Variants in ACACB observed in about 807,000 individuals in gnomAD.
ACACB encodes acetyl-CoA carboxylase beta, also known as acetyl-CoA carboxylase 2.
ACACB carries 209 observed loss-of-function variants against 278.8 expected under a neutral mutation model. The observed-to-expected ratio is 0.75, with a 90% CI of 0.67 to 0.84. The LOEUF is 0.84. Among genes scored for constraint, ACACB ranks in the 40% least tolerant of loss-of-function variants. The pLI, the probability that ACACB is intolerant of heterozygous loss-of-function variation, is 0.00. For missense variants in ACACB, 2,850 were observed against 3,269.0 expected (o/e 0.87, Z 3.13); for synonymous variants, 1,174 against 1,285.6 (o/e 0.91, Z 1.86).
chr12:109,209,398 C>G, intron 21 of ACACB, 45 bp downstream of exon 21: 3 of 1,559,788 alleles, frequency 1.9e-6, no homozygotes, highest in Non-Finnish European at 2.6e-6. Context: ...GATGGTCACA[C>G]TGGGCCGGCT....
At chr12:109,222,160 TG>T (rs1242081085) in intron 24 of ACACB, among the ~76,000 whole-genome samples, 2 of 152,040 alleles carry the variant, frequency 1.3e-5, no homozygotes, top group Non-Finnish European at 2.9e-5. Flanking sequence ...CCCAAAGTGC[TG>T]GGATTATAGG....
chr12:109,123,684 C>A (rs1479625595), intron 1 of ACACB, among the ~76,000 whole-genome samples: 5 of 147,468 alleles, frequency 3.4e-5, no homozygotes, highest in Non-Finnish European at 7.5e-5. Context: ...CAGAGTGAGA[C>A]CCTGTCTCAA....
intron 44 of ACACB, 88 bp from the exon 45 acceptor site, chr12:109,256,052 C>T: frequency 1.0e-6 from 1 of 999,376 alleles, no homozygotes; most frequent in Non-Finnish European, 1.6e-6. Flanking sequence ...CCAGGCTGTC[C>T]TTAGGGAGCT....
intron 43 of ACACB, 91 bp downstream of exon 43, chr12:109,253,249 GAGGCTGAGGAGC>G: frequency 7.4e-7 from 1 of 1,353,660 alleles, no homozygotes; most frequent in Non-Finnish European, 9.9e-7. Context: ...GGTGGTGTGG[GAGGCTGAGGAGC>G]AGGAAGCACT....
At chr12:109,148,992 T>A (rs2043307468) in intron 2 of ACACB, among the ~76,000 whole-genome samples, 1 of 152,210 alleles carries the variant, frequency 6.6e-6, no homozygotes, top group Admixed American at 6.5e-5. Flanking sequence ...AGTATAAAAA[T>A]ATTGGGAGAA....
rs369606146 is a variant in ACACB, at chr12:109,139,729, C to T, written c.324C>T (p.Asp108=). The T allele has an allele frequency of 2.1e-5, 34 of 1,614,138 alleles. No individual in the cohort carries two copies. The highest frequency in any genetic ancestry group is 1.7e-4 in the Middle Eastern group (1 of 6,060). ...CAAGAAACCCCCTTTCTTCCAGTGA[C>T]GCAGCACCCTCCCCAGAGCTTCAAG... The part of the protein sequence containing the change: ...KPPRNPLSSS[D]AAPSPELQAN... The change falls in exon 2 of 53, where the codon GAC becomes GAT. Residue 108 remains aspartate (D), a synonymous_variant. Coordinates refer to ENST00000338432, the MANE Select transcript of ACACB (RefSeq NM_001093.4).
Position 109,172,358 on chromosome 12 carries a change from T to G in ACACB, c.1117+2T>G. On this transcript the variant is annotated splice_donor_variant, in intron 6 of 52. Transcript: ENST00000338432. LOFTEE classifies it high-confidence loss of function. ...GCAAGAATGGAGTTGCTTTCTTAGG[T>G]AGAGTGTGTCCCCATCAGATACATG... is the stretch of plus-strand genomic sequence containing the variant. The G allele has an allele frequency of 6.2e-7, 1 of 1,614,028 alleles. No individual in the cohort carries two copies. Among genetic ancestry groups the G allele is most frequent in the Non-Finnish European group, 8.5e-7 (1 of 1,179,912 alleles).
At chr12:109,119,554 C>T (rs1299399522) in intron 1 of ACACB, among the ~76,000 whole-genome samples, 1 of 149,664 alleles carries the variant, frequency 6.7e-6, no homozygotes, top group Non-Finnish European at 1.5e-5. Flanking sequence ...GGTGCCACCG[C>T]ACTCCAGCCT....
chr12:109,132,024 G>A (rs531033061), intron 1 of ACACB, among the ~76,000 whole-genome samples: 6 of 152,168 alleles, frequency 3.9e-5, no homozygotes, highest in African/African-American at 1.4e-4. Flanking sequence ...ACCACCTGCT[G>A]CCTTATGGAA....
intron 1 of ACACB, among the ~76,000 whole-genome samples, chr12:109,138,581 AAT>A (rs1555203798): frequency 6.6e-6 from 1 of 151,852 alleles, no homozygotes; most frequent in African/African-American, 2.4e-5. Flanking sequence ...AAAAAAAAAA[AAT>A]AACAGCTTTG....
intron 22 of ACACB, among the ~76,000 whole-genome samples, chr12:109,215,765 C>CA (rs914624632): frequency 0.017 from 2,469 of 144,504 alleles, 74 homozygotes; most frequent in African/African-American, 0.058. Context: ...GACTCTGTTT[C>CA]AAAAAAAAAA....
At chr12:109,157,272 G>GTTGTTATTATTA (rs148495637) in intron 2 of ACACB, among the ~76,000 whole-genome samples, 6,877 of 143,110 alleles carry the variant, frequency 0.048, 607 homozygotes, top group African/African-American at 0.17. Flanking sequence ...TTCTAGAGTT[G>GTTGTTATTATTA]TTATTATTAT....
chr12:109,226,699 C>CAAAAAAAAA (rs531983826), intron 27 of ACACB, among the ~76,000 whole-genome samples: 1 of 74,202 alleles, frequency 1.3e-5, no homozygotes, highest in African/African-American at 4.7e-5. Context: ...AACTCCATCT[C>CAAAAAAAAA]AAAAAAAAAA....
At chr12:109,167,119 C>G in intron 3 of ACACB, 126 bp downstream of exon 3, 1 of 1,234,170 alleles carries the variant, frequency 8.1e-7, no homozygotes, top group Non-Finnish European at 1.1e-6. Context: ...GTGAGGGCCA[C>G]GCTCCTCTGA....
chr12:109,145,117 T>A (rs1212083910), intron 2 of ACACB, among the ~76,000 whole-genome samples: 2 of 152,094 alleles, frequency 1.3e-5, no homozygotes, highest in Non-Finnish European at 2.9e-5. Context: ...GCAACTTTCT[T>A]ATCATGTTGG....
chr12:109,159,249 T>A (rs1158677947), intron 2 of ACACB, among the ~76,000 whole-genome samples: 1 of 152,182 alleles, frequency 6.6e-6, no homozygotes, highest in Non-Finnish European at 1.5e-5. Flanking sequence ...TGCTTTCTTG[T>A]TTGGAAGTAG....
chr12:109,200,311 G>A (rs541095027), intron 18 of ACACB, among the ~76,000 whole-genome samples: 3 of 151,912 alleles, frequency 2.0e-5, no homozygotes, highest in Non-Finnish European at 4.4e-5. Flanking sequence ...AGCCTTCCAA[G>A]TAGTTGGGAT....
intron 20 of ACACB, 123 bp downstream of exon 20, chr12:109,206,979 TTTTA>T: frequency 8.8e-7 from 1 of 1,130,820 alleles, no homozygotes; most frequent in African/African-American, 1.6e-5. Context: ...GTTGTTTTTA[TTTTA>T]TTTATTTTAT....
intron 49 of ACACB, chr12:109,262,950 T>TATATATATATATATATATA (rs2047417089): frequency 3.2e-5 from 2 of 62,470 alleles, no homozygotes; most frequent in Non-Finnish European, 3.9e-5. Flanking sequence ...CTTTTTAACA[T>TATATATATATATATATATA]TATATATATA....
Sources: gnomAD v4.1 joint callset for allele counts (sites outside exome capture counted in the v4.1 genomes callset) on GRCh38, gnomAD v4.1.1 for gene constraint, MANE v1.5 for transcripts, NCBI Gene and HGNC (gene_info 2026-07-23, HGNC 2026-07-21) for gene names.